The following SERPINB5 variants were observed in gnomAD, a reference collection of about 807,000 sequenced individuals.
SERPINB5 encodes serpin B5.
In SERPINB5, 27 loss-of-function variants were observed where a neutral mutation model predicts 32.2. The observed-to-expected ratio is 0.84, with a 90% confidence interval of 0.62 to 1.16. The LOEUF (loss-of-function observed/expected upper bound fraction) is 1.16. Ranked by LOEUF, SERPINB5 falls within the 50% of genes most tolerant of loss-of-function variation. SERPINB5 has a pLI of 0.00. For missense variants in SERPINB5, 388 were observed against 436.3 expected (o/e 0.89, Z 0.99); for synonymous variants, 154 against 157.4 (o/e 0.98, Z 0.16).
At chr18:63,484,346 T>C (rs1455587586) in intron 1 of SERPINB5, 76 bp from the exon 2 acceptor site, 2 of 1,305,050 alleles carry the variant, frequency 1.5e-6, no homozygotes, top group Non-Finnish European at 2.1e-6. Flanking sequence ...AGAATTCTTA[T>C]AGTGTTGGCA....
intron 4 of SERPINB5, among the ~76,000 whole-genome samples, chr18:63,490,056 G>A (rs558725899): frequency 1.3e-5 from 2 of 152,274 alleles, no homozygotes; most frequent in South Asian, 4.1e-4. Flanking sequence ...GCCGGGCGTG[G>A]TGGCGGGCGC....
chr18:63,480,633 A>G (rs960124693), intron 1 of SERPINB5, among the ~76,000 whole-genome samples: 3 of 152,124 alleles, frequency 2.0e-5, no homozygotes, highest in Admixed American at 6.6e-5. Context: ...GGTTTGTTTA[A>G]ATGCTTTGAT....
intron 3 of SERPINB5, among the ~76,000 whole-genome samples, chr18:63,488,743 T>C (rs1265671397): frequency 1.3e-5 from 2 of 152,178 alleles, no homozygotes; most frequent in Non-Finnish European, 2.9e-5. Context: ...TAAATAAGCA[T>C]TAGAATAAGA....
At chr18:63,493,909 G>T (rs987389694) in intron 5 of SERPINB5, among the ~76,000 whole-genome samples, 2 of 152,072 alleles carry the variant, frequency 1.3e-5, no homozygotes, top group African/African-American at 4.8e-5. Context: ...TCAGGCACTT[G>T]TTGGCTGTGA....
chr18:63,500,849 T>TA (rs1909555949), intron 6 of SERPINB5, among the ~76,000 whole-genome samples: 1 of 152,150 alleles, frequency 6.6e-6, no homozygotes, highest in Non-Finnish European at 1.5e-5. Flanking sequence ...CACCACTTTA[T>TA]TAACTGAATT....
chr18:63,478,996 G>A (rs1199869819), intron 1 of SERPINB5, among the ~76,000 whole-genome samples: 1 of 152,126 alleles, frequency 6.6e-6, no homozygotes, highest in Non-Finnish European at 1.5e-5. Flanking sequence ...CTGACCTCAA[G>A]TGATCTGCCC....
chr18:63,495,542 C>T (rs1909429641), intron 5 of SERPINB5, among the ~76,000 whole-genome samples: 1 of 152,196 alleles, frequency 6.6e-6, no homozygotes, highest in Admixed American at 6.5e-5. Flanking sequence ...CTTCAAGACC[C>T]CAGAGCCAGC....
In SERPINB5 at chr18:63,493,041, G is replaced by T; in HGVS notation, c.513G>T (p.Trp171Cys). ...VVNAAYFVGK[W>C]MKKFSESETK... ...ATGCTGCCTACTTTGTTGGCAAGTG[G>T]ATGAAGAAATTTTCTGAATCAGAAA... Residue 171 changes from tryptophan to cysteine, a missense_variant, in exon 5 of 7, where the codon TGG becomes TGT. Trp to Cys is a radical substitution (Grantham distance 215). Transcript: ENST00000382771. 1 of 1,614,192 alleles carries T rather than the reference G, an allele frequency of 6.2e-7. No individual in the cohort carries two copies. The highest frequency in any genetic ancestry group is 2.2e-5 in the East Asian group (1 of 44,894).
chr18:63,487,084 G>A lies in SERPINB5; in HGVS notation c.306+1G>A. ...AGACAAATCTCTGAATCTTTCTACA[G>A]TAAGTTGTTTAAAGCAAGTAGCAAG... On this transcript the variant is annotated splice_donor_variant, in intron 3 of 6. Coordinates refer to ENST00000382771, the MANE Select transcript of SERPINB5 (RefSeq NM_002639.5). LOFTEE classifies it high-confidence loss of function. 6.2e-7 allele frequency: 1 copy of A among 1,613,266 alleles called. No individual in the cohort carries two copies. The highest frequency in any genetic ancestry group is 8.5e-7 in the Non-Finnish European group (1 of 1,179,702).
intron 5 of SERPINB5, chr18:63,493,386 A>G: frequency 7.2e-6 from 4 of 557,122 alleles, no homozygotes; most frequent in Non-Finnish European, 1.3e-5. Context: ...AGCTACAAAC[A>G]TCTGAGAACT....
chr18:63,478,873 T>C (rs1917079701), intron 1 of SERPINB5, among the ~76,000 whole-genome samples: 1 of 151,710 alleles, frequency 6.6e-6, no homozygotes, highest in South Asian at 2.1e-4. Context: ...GATTTTTCTG[T>C]CTCAGCCTCC....
chr18:63,495,995 G>A (rs952906639), intron 5 of SERPINB5, among the ~76,000 whole-genome samples: 2 of 152,124 alleles, frequency 1.3e-5, no homozygotes, highest in African/African-American at 4.8e-5. Context: ...CTAAATTGGT[G>A]AAGTTATATC....
intron 6 of SERPINB5, among the ~76,000 whole-genome samples, chr18:63,502,975 G>C (rs1909599910): frequency 6.6e-6 from 1 of 152,058 alleles, no homozygotes; most frequent in Middle Eastern, 3.4e-3. Context: ...AATGAGCGAC[G>C]ATCACACTAT....
At chr18:63,491,275 A>C (rs1207860977) in intron 4 of SERPINB5, among the ~76,000 whole-genome samples, 1 of 151,418 alleles carries the variant, frequency 6.6e-6, no homozygotes, top group East Asian at 2.0e-4. Context: ...GGTGTCACGC[A>C]CCTGTAGTCC....
intron 1 of SERPINB5, among the ~76,000 whole-genome samples, chr18:63,482,878 T>C (rs1019472779): frequency 6.6e-6 from 1 of 150,840 alleles, no homozygotes; most frequent in African/African-American, 2.4e-5. Context: ...TAAAAAACAT[T>C]TTCTAAAGTG....
intron 4 of SERPINB5, among the ~76,000 whole-genome samples, chr18:63,489,683 GTTAGT>G (rs1469637521): frequency 6.6e-6 from 1 of 152,176 alleles, no homozygotes; most frequent in Non-Finnish European, 1.5e-5. Context: ...ATGCTTCAGT[GTTAGT>G]TTACTTTGTC....
At chr18:63,484,281 T>C in intron 1 of SERPINB5, 141 bp from the exon 2 acceptor site, 1 of 882,474 alleles carries the variant, frequency 1.1e-6, no homozygotes, top group Non-Finnish European at 1.7e-6. Flanking sequence ...TGATCTTACT[T>C]TTGAATTTAC....
intron 6 of SERPINB5, among the ~76,000 whole-genome samples, chr18:63,499,492 T>C (rs147983943): frequency 4.6e-5 from 7 of 152,178 alleles, no homozygotes; most frequent in Non-Finnish European, 8.8e-5. Flanking sequence ...GCACTTACAG[T>C]GTTCTAGGGA....
At chr18:63,494,955 A>C (rs1328045849) in intron 5 of SERPINB5, among the ~76,000 whole-genome samples, 2 of 152,240 alleles carry the variant, frequency 1.3e-5, no homozygotes, top group South Asian at 4.1e-4. Flanking sequence ...TTGCTTAAAC[A>C]ATCAATAGCA....
Sources: allele counts gnomAD v4.1 joint callset (sites outside exome capture counted in the v4.1 genomes callset), GRCh38; gene constraint gnomAD v4.1.1; transcripts MANE v1.5; gene names NCBI Gene and HGNC (gene_info 2026-07-23, HGNC 2026-07-21).